Variants in MATCAP1 observed in about 807,000 individuals in gnomAD.
MATCAP1 encodes microtubule-associated tyrosine carboxypeptidase 1.
At chr16:67,180,625 C>G in the MATCAP1 span, 1 of 1,498,178 alleles carries the variant, frequency 6.7e-7, no homozygotes, top group Admixed American at 2.3e-5. Flanking sequence ...TCCTGGGGGT[C>G]ACATCCAGCC....
the MATCAP1 span, chr16:67,179,555 A>T: frequency 6.2e-7 from 1 of 1,612,844 alleles, no homozygotes; most frequent in Middle Eastern, 1.7e-4. This position sits in a 1 kb window ranked among gnomAD's most constrained non-coding sequence, Gnocchi z 5.2. Flanking sequence ...ACTCAGCTGC[A>T]CCACAACCTG....
At chr16:67,183,695 AGAG>A in the MATCAP1 span, 1 of 153,752 alleles carries the variant, frequency 6.5e-6, no homozygotes, top group Non-Finnish European at 1.5e-5. Context: ...AACCAGAAAT[AGAG>A]GAGGGGCGTG....
chr16:67,177,895 C>A, the MATCAP1 span: 29 of 870,086 alleles, frequency 3.3e-5, no homozygotes, highest in East Asian at 1.0e-4. Flanking sequence ...CACGCTCCCC[C>A]CTACCACCAC....
the MATCAP1 span, chr16:67,176,765 T>G: frequency 4.7e-6 from 7 of 1,489,112 alleles, 1 homozygote. The surrounding 1 kb of genome is among the most constrained non-coding windows in gnomAD (Gnocchi z 4.3). Context: ...TAGGGGCCTA[T>G]CTGGAGCTTC....
chr16:67,180,714 C>A, the MATCAP1 span: 2 of 760,960 alleles, frequency 2.6e-6, no homozygotes, highest in Non-Finnish European at 3.9e-6. Context: ...TGGGTGTGAC[C>A]AAACGACCAG....
the MATCAP1 span, chr16:67,177,065 T>C: frequency 8.2e-7 from 1 of 1,224,360 alleles, no homozygotes; most frequent in Non-Finnish European, 1.1e-6. Context: ...CTCACAGCCT[T>C]TGCTCCGGGA....
chr16:67,180,490 A>G, the MATCAP1 span: 1 of 1,597,646 alleles, frequency 6.3e-7, no homozygotes, highest in South Asian at 1.1e-5. Flanking sequence ...GACTGAGACC[A>G]GGGGTACAGT....
the MATCAP1 span, among the ~76,000 whole-genome samples, chr16:67,181,142 C>G: frequency 6.6e-6 from 1 of 152,250 alleles, no homozygotes; most frequent in African/African-American, 2.4e-5. Context: ...TGTGCTCACT[C>G]ACTTAATCTG....
At chr16:67,178,168 C>G in the MATCAP1 span, 1 of 1,540,440 alleles carries the variant, frequency 6.5e-7, no homozygotes, top group Non-Finnish European at 8.8e-7. Context: ...CCCACCCCGG[C>G]TCTAGGCACC....
the MATCAP1 span, chr16:67,177,083 C>T: frequency 1.1e-5 from 10 of 902,236 alleles, no homozygotes; most frequent in Admixed American, 1.6e-4. Flanking sequence ...GGACTTCTTC[C>T]TCTCCCCTCC....
the MATCAP1 span, chr16:67,179,101 G>A: frequency 8.4e-7 from 1 of 1,189,410 alleles, no homozygotes; most frequent in Non-Finnish European, 1.0e-6. This position sits in a 1 kb window ranked among gnomAD's most constrained non-coding sequence, Gnocchi z 5.2. Context: ...GGCTGGCCTG[G>A]TGGGACCCTG....
the MATCAP1 span, among the ~76,000 whole-genome samples, chr16:67,177,847 C>T: frequency 6.6e-6 from 1 of 152,220 alleles, no homozygotes; most frequent in Non-Finnish European, 1.5e-5. Context: ...CCTGGTTTTG[C>T]TGCCAGAGTC....
chr16:67,178,433 C>T, the MATCAP1 span: 1 of 1,538,624 alleles, frequency 6.5e-7, no homozygotes, highest in Admixed American at 2.0e-5. Context: ...GGCCGCAGCC[C>T]GTACCGCAGC....
the MATCAP1 span, chr16:67,180,229 C>T: frequency 6.2e-7 from 1 of 1,613,962 alleles, no homozygotes; most frequent in African/African-American, 1.3e-5. Context: ...TGGCCTGCAT[C>T]CCTTTGAGTC....
At chr16:67,178,186 C>A in the MATCAP1 span, 1 of 1,534,880 alleles carries the variant, frequency 6.5e-7, no homozygotes, top group Admixed American at 2.0e-5. Context: ...ACCTCCCCCG[C>A]GCTGGCGCAC....
the MATCAP1 span, chr16:67,176,776 T>C: frequency 1.3e-6 from 2 of 1,499,358 alleles, no homozygotes; most frequent in Non-Finnish European, 8.9e-7. This position sits in a 1 kb window ranked among gnomAD's most constrained non-coding sequence, Gnocchi z 4.3. Context: ...CTGGAGCTTC[T>C]GTCCAGGGCC....
chr16:67,179,278 G>A, the MATCAP1 span: 7 of 1,486,922 alleles, frequency 4.7e-6, no homozygotes, highest in East Asian at 4.6e-5. This position sits in a 1 kb window ranked among gnomAD's most constrained non-coding sequence, Gnocchi z 5.2. Context: ...AGCAGAGGGC[G>A]GGAGGTGGCT....
the MATCAP1 span, among the ~76,000 whole-genome samples, chr16:67,182,249 C>CA: frequency 0.016 from 740 of 45,312 alleles, 4 homozygotes; most frequent in East Asian, 0.023. Flanking sequence ...AACTCCATCT[C>CA]AAAAAAAAAA....
the MATCAP1 span, chr16:67,179,404 A>G: frequency 6.3e-7 from 1 of 1,585,380 alleles, no homozygotes; most frequent in South Asian, 1.1e-5. The surrounding 1 kb of genome is among the most constrained non-coding windows in gnomAD (Gnocchi z 5.2). Flanking sequence ...ATGCCTACCC[A>G]TCTGCCCGGA....
Sources: allele counts gnomAD v4.1 joint callset (sites outside exome capture counted in the v4.1 genomes callset), GRCh38; gene constraint gnomAD v4.1.1; non-coding constraint Gnocchi (gnomAD v3.1); transcripts MANE v1.5; gene names NCBI Gene and HGNC (gene_info 2026-07-23, HGNC 2026-07-21).